HDGF: variants seen among roughly 807,000 people sequenced by gnomAD.
The protein encoded by HDGF is hepatoma-derived growth factor.
HDGF carries 5 observed loss-of-function variants against 30.0 expected under a neutral mutation model. The ratio of observed to expected loss-of-function variants is 0.17; its 90% CI spans 0.09 to 0.35. HDGF has a LOEUF of 0.35. Ranked by LOEUF, HDGF falls within the 10% of genes least tolerant of loss-of-function variation. The pLI is 1.00. For missense variants in HDGF, 214 were observed against 302.8 expected (o/e 0.71, Z 2.18); for synonymous variants, 133 against 112.7 (o/e 1.18, Z -1.14).
intron 1 of HDGF, among the ~76,000 whole-genome samples, chr1:156,764,415 T>C (rs915665489): frequency 6.6e-6 from 1 of 151,884 alleles, no homozygotes; most frequent in South Asian, 2.1e-4. Flanking sequence ...CAGGCTGGTC[T>C]GGAACTCCTG....
intron 4 of HDGF, 74 bp from the exon 5 acceptor site, chr1:156,743,952 G>A: frequency 1.6e-6 from 2 of 1,213,152 alleles, no homozygotes; most frequent in Non-Finnish European, 2.4e-6. Context: ...CTCTCCTCCG[G>A]GGCTCCTTCC....
At position 156,762,069 on chromosome 1, in the gene HDGF, G is replaced by A. The variant is rs1411587579; in HGVS notation, n.137-2850C>T. Among the ~76,000 whole-genome samples the A allele has an allele frequency of 2.0e-5, 3 of 152,004 alleles. No homozygotes were observed. In the East Asian group the frequency reaches 5.8e-4, roughly 29 times the overall value. ...AGGTGGGAGGATTGCTTGAGCTGGG[G>A]AGGTCGAGGCTGCAGTGAGCCCAGA... On this transcript the variant is annotated intron_variant and non_coding_transcript_variant, in intron 1 of 7. Transcript: ENST00000465180.
chr1:156,748,228 G>C (rs1186585496), intron 1 of HDGF, among the ~76,000 whole-genome samples: 3 of 152,166 alleles, frequency 2.0e-5, no homozygotes, highest in Non-Finnish European at 4.4e-5. Context: ...CAAAAGAGGA[G>C]AAATCCCTTC....
At chr1:156,758,608 T>TTAAAAA (rs1553251128) in intron 2 of HDGF, among the ~76,000 whole-genome samples, 4 of 92,016 alleles carry the variant, frequency 4.3e-5, no homozygotes, top group African/African-American at 8.3e-5. Flanking sequence ...AAAAAATAAA[T>TTAAAAA]AAATAAATAA....
intron 2 of HDGF, among the ~76,000 whole-genome samples, chr1:156,758,211 T>C (rs1651183678): frequency 6.6e-6 from 1 of 152,006 alleles, no homozygotes; most frequent in Admixed American, 6.6e-5. Context: ...GAAAGGAGAA[T>C]CACTTGAACC....
chr1:156,752,132 C>T, upstream of HDGF: 1 of 1,551,516 alleles, frequency 6.4e-7, no homozygotes. Flanking sequence ...ACTGGGCACC[C>T]GCGGTTCTTG....
chr1:156,743,883 G>A lies in HDGF; in HGVS notation c.490-5C>T, dbSNP rs1192735178. 10 of 1,607,674 alleles carry A rather than the reference G, an allele frequency of 6.2e-6. No individual in the cohort carries two copies. In the African/African-American group the frequency reaches 1.3e-4, roughly 21 times the overall value. ...CTTGGGACGTTTAGGAGAGTCCTAG[G>A]CAGGATCAACAGAGGAAGTGGGCTG... On this transcript the variant is annotated splice_region_variant and splice_polypyrimidine_tract_variant and intron_variant, in intron 4 of 5. Coordinates refer to ENST00000357325, the MANE Select transcript of HDGF (RefSeq NM_004494.3).
upstream of HDGF, among the ~76,000 whole-genome samples, chr1:156,754,865 T>G (rs1268393177): frequency 1.3e-5 from 2 of 152,196 alleles, no homozygotes; most frequent in African/African-American, 4.8e-5. Flanking sequence ...GGAAAATCAC[T>G]TGAACCCAGG....
At chr1:156,764,417 G>C (rs1353914394) in intron 1 of HDGF, among the ~76,000 whole-genome samples, 1 of 144,760 alleles carries the variant, frequency 6.9e-6, no homozygotes, top group Admixed American at 6.9e-5. Flanking sequence ...GGCTGGTCTG[G>C]AACTCCTGAC....
chr1:156,749,222 A>G (rs776979605), intron 1 of HDGF, among the ~76,000 whole-genome samples: 11 of 152,174 alleles, frequency 7.2e-5, no homozygotes, highest in Admixed American at 2.6e-4. Flanking sequence ...GAGGAAGGAA[A>G]ATCCACACAC....
chr1:156,745,587 T>TC (rs752907798), intron 1 of HDGF, among the ~76,000 whole-genome samples: 23 of 152,162 alleles, frequency 1.5e-4, no homozygotes, highest in Non-Finnish European at 5.9e-5. Context: ...TCCTTCCCTC[T>TC]CCGTCACCAG....
intron 1 of HDGF, among the ~76,000 whole-genome samples, chr1:156,750,946 A>C (rs1650929542): frequency 8.3e-6 from 1 of 120,874 alleles, no homozygotes; most frequent in South Asian, 2.7e-4. Context: ...GGGGGTCTTA[A>C]AGGGGGTGGC....
At chr1:156,750,004 G>A (rs1011530879) in intron 1 of HDGF, among the ~76,000 whole-genome samples, 3 of 152,172 alleles carry the variant, frequency 2.0e-5, no homozygotes, top group Admixed American at 2.0e-4. Context: ...TCCCAATAGC[G>A]GAAGCCGGTC....
At chr1:156,749,517 C>G (rs1485564554) in intron 1 of HDGF, among the ~76,000 whole-genome samples, 1 of 152,160 alleles carries the variant, frequency 6.6e-6, no homozygotes, top group African/African-American at 2.4e-5. Context: ...GAGATCCAGG[C>G]TGATCTCCCT....
At chr1:156,749,917 C>G (rs944330728) in intron 1 of HDGF, among the ~76,000 whole-genome samples, 1 of 152,228 alleles carries the variant, frequency 6.6e-6, no homozygotes, top group Non-Finnish European at 1.5e-5. Flanking sequence ...GGCCAAGAAG[C>G]CAGCTGGGTC....
chr1:156,754,356 A>C (rs113475560), upstream of HDGF, among the ~76,000 whole-genome samples: 1,763 of 152,334 alleles, frequency 0.012, 39 homozygotes, highest in African/African-American at 0.04. Flanking sequence ...GTTGCAACAA[A>C]ATCTCTTGGG....
intron 1 of HDGF, among the ~76,000 whole-genome samples, chr1:156,766,240 C>G (rs1277203704): frequency 3.3e-5 from 5 of 152,196 alleles, no homozygotes; most frequent in Non-Finnish European, 5.9e-5. Flanking sequence ...TTCACTGTCT[C>G]TCTGCATTGT....
upstream of HDGF, among the ~76,000 whole-genome samples, chr1:156,757,291 C>T (rs1015233214): frequency 9.3e-5 from 14 of 150,396 alleles, no homozygotes; most frequent in African/African-American, 2.9e-4. Flanking sequence ...GGTGAAACCC[C>T]GTCTCTACTA....
Position 156,743,318 on chromosome 1 carries a change from A to G in HDGF, c.*131T>C. On this transcript the variant is annotated 3_prime_UTR_variant, in exon 6 of 6. Coordinates refer to ENST00000357325, the MANE Select transcript of HDGF (RefSeq NM_004494.3). Reference sequence around the variant, plus strand: ...TCCATGGGCTGGGCTTGGAGTGGGAAAAGTGAGTAGAAGAGGAGAGCAGGT... The same window carrying G: ...TCCATGGGCTGGGCTTGGAGTGGGAGAAGTGAGTAGAAGAGGAGAGCAGGT... 1 of 1,007,410 alleles carries G rather than the reference A, an allele frequency of 9.9e-7. No individual in the cohort carries two copies. Among genetic ancestry groups the G allele is most frequent in the Admixed American group, 2.5e-5 (1 of 39,292 alleles). 62.4% of individuals were successfully genotyped at this position (1,007,410 alleles called of 1,614,324 possible).
Sources: allele counts gnomAD v4.1 joint callset (sites outside exome capture counted in the v4.1 genomes callset), GRCh38; gene constraint gnomAD v4.1.1; transcripts MANE v1.5; gene names NCBI Gene and HGNC (gene_info 2026-07-23, HGNC 2026-07-21).